The following CCDC191 variants were observed in gnomAD, a reference collection of about 807,000 sequenced individuals.
CCDC191 encodes the protein coiled-coil domain-containing protein 191.
A neutral mutation model predicts 114.0 loss-of-function variants in CCDC191; 99 were observed. The ratio of observed to expected loss-of-function variants is 0.87; its 90% CI spans 0.74 to 1.03. The LOEUF (loss-of-function observed/expected upper bound fraction) is 1.03, where lower values mean the gene tolerates loss of function less well. CCDC191 is among the 50% of genes least tolerant of loss of function. CCDC191 has a pLI of 0.00. For synonymous variants in CCDC191, 351 were observed against 376.0 expected (o/e 0.93, Z 0.77); for missense variants, 973 against 1,087.0 (o/e 0.90, Z 1.47).
intron 15 of CCDC191, 93 bp from the exon 16 acceptor site, chr3:113,978,424 A>T: frequency 7.7e-7 from 1 of 1,302,708 alleles, no homozygotes; most frequent in Non-Finnish European, 1.1e-6. Context: ...GAAATGAAAC[A>T]AAAGAAACAA....
intron 5 of CCDC191, 32 bp from the exon 6 acceptor site, chr3:114,035,180 G>A (rs1577458497): frequency 6.6e-7 from 1 of 1,514,930 alleles, no homozygotes; most frequent in African/African-American, 1.4e-5. Context: ...ATGAAGTGTG[G>A]CCTTTCAAGT....
intron 4 of CCDC191, among the ~76,000 whole-genome samples, chr3:114,041,360 ACTC>A (rs2076557155): frequency 6.6e-6 from 1 of 152,174 alleles, no homozygotes; most frequent in South Asian, 2.1e-4. Flanking sequence ...TATGGTAACA[ACTC>A]CTACAAAAAA....
At chr3:114,056,249 G>A in intron 1 of CCDC191, 128 bp downstream of exon 1, 1 of 815,258 alleles carries the variant, frequency 1.2e-6, no homozygotes, top group Non-Finnish European at 2.0e-6. Context: ...TGGCTTTGGG[G>A]CGGTCAAGGC....
In CCDC191 at chr3:114,006,617, T is replaced by TATATATAA. The variant is rs1482068610; in HGVS notation, c.1414-656_1414-655insTTATATAT. Among the ~76,000 whole-genome samples the TATATATAA allele has an allele frequency of 4.2e-4, 50 of 118,422 alleles. 1 individual carries two copies. Among genetic ancestry groups the TATATATAA allele is most frequent in the East Asian group, 2.2e-3 (9 of 4,086 alleles). 77.7% of individuals were successfully genotyped at this position (118,422 alleles called of 152,430 possible). ...ATATATATATATATATATATATATATAAATATATATATTTTATATATAAAA... is the reference window on the plus strand; with the variant it reads ...ATATATATATATATATATATATATATATATATAAAAATATATATATTTTATATATAAAA... On this transcript the variant is annotated intron_variant, in intron 9 of 16. Transcript: ENST00000295878.
At chr3:113,980,470 CCTT>C (rs1299018809) in intron 14 of CCDC191, among the ~76,000 whole-genome samples, 177 bp downstream of exon 14, 2 of 152,132 alleles carry the variant, frequency 1.3e-5, no homozygotes, top group Non-Finnish European at 2.9e-5. Flanking sequence ...TTACAAAAGT[CCTT>C]CTCTACCTTA....
chr3:114,053,748 C>T (rs933964481), intron 1 of CCDC191, 113 bp from the exon 2 acceptor site: 1 of 581,138 alleles, frequency 1.7e-6, no homozygotes, highest in South Asian at 3.0e-5. Flanking sequence ...ATTATTTCCC[C>T]AAAGCATTTC....
intron 7 of CCDC191, among the ~76,000 whole-genome samples, chr3:114,023,587 C>G (rs923257587): frequency 2.0e-5 from 3 of 152,060 alleles, no homozygotes; most frequent in Non-Finnish European, 4.4e-5. Context: ...ACAAACCTGA[C>G]AAAAACAAGC....
At chr3:114,003,477 T>C (rs1429527304) in intron 11 of CCDC191, 48 of 985,280 alleles carry the variant, frequency 4.9e-5, no homozygotes, top group Non-Finnish European at 5.3e-5. Context: ...AAGGCAGAAA[T>C]AGACTAGGGG....
intron 7 of CCDC191, among the ~76,000 whole-genome samples, chr3:114,027,017 A>G (rs1055219233): frequency 1.3e-5 from 2 of 152,254 alleles, no homozygotes; most frequent in East Asian, 1.9e-4. Flanking sequence ...TCCAAATAGT[A>G]TAAGAGTTTT....
chr3:113,974,999 T>C (rs532891740), intron 16 of CCDC191, among the ~76,000 whole-genome samples: 1 of 152,334 alleles, frequency 6.6e-6, no homozygotes, highest in South Asian at 2.1e-4. Flanking sequence ...ATAATAAGTA[T>C]GATTTAAGTC....
intron 4 of CCDC191, among the ~76,000 whole-genome samples, chr3:114,040,299 C>T (rs1354461326): frequency 6.6e-6 from 1 of 152,266 alleles, no homozygotes; most frequent in African/African-American, 2.4e-5. Flanking sequence ...GACAAAATCA[C>T]CTAATGATGC....
At chr3:114,010,509 T>G (rs926332620) in intron 9 of CCDC191, among the ~76,000 whole-genome samples, 2 of 152,178 alleles carry the variant, frequency 1.3e-5, no homozygotes, top group African/African-American at 2.4e-5. Context: ...ACCTGTCTTT[T>G]CCTAAACGAA....
intron 16 of CCDC191, among the ~76,000 whole-genome samples, chr3:113,969,081 TAAC>T (rs1940527022): frequency 6.6e-6 from 1 of 152,126 alleles, no homozygotes; most frequent in Non-Finnish European, 1.5e-5. Flanking sequence ...AGGTTCTTTT[TAAC>T]AACCAGCTCT....
chr3:114,004,906 T>C (rs1222283210), intron 10 of CCDC191, among the ~76,000 whole-genome samples, 160 bp from the exon 11 acceptor site: 2 of 152,160 alleles, frequency 1.3e-5, no homozygotes, highest in Non-Finnish European at 2.9e-5. Flanking sequence ...TAATGAGGTA[T>C]GGAAAGGTTG....
Position 114,001,654 on chromosome 3 carries a change from CCT to C in CCDC191, c.2102_2103del (p.Glu701GlyfsTer9). On this transcript the variant is annotated frameshift_variant, in exon 13 of 17. Coordinates refer to ENST00000295878, the MANE Select transcript of CCDC191 (RefSeq NM_020817.2). LOFTEE classifies it high-confidence loss of function. ...KAQEEERQKR[E>X]AEEKEAQLER... ...TCAAGCTGTGCCTCCTTTTCTTCTG[CCT>C]CCCTTTTCTGACGTTCCTCCTCTTG... The C allele has an allele frequency of 6.2e-7, 1 of 1,613,898 alleles. No individual in the cohort carries two copies. Among genetic ancestry groups the C allele is most frequent in the Non-Finnish European group, 8.5e-7 (1 of 1,179,808 alleles).
chr3:113,986,471 C>T (rs989763135), intron 13 of CCDC191, among the ~76,000 whole-genome samples: 3 of 152,130 alleles, frequency 2.0e-5, no homozygotes, highest in Non-Finnish European at 1.5e-5. Flanking sequence ...ATCCAAGAAG[C>T]TTAAGACCAC....
Position 114,056,401 on chromosome 3 carries a change from C to A in CCDC191, c.66G>T (p.Arg22=), listed in dbSNP as rs760717876. The A allele has an allele frequency of 8.1e-6, 13 of 1,614,026 alleles. No individual in the cohort carries two copies. In the East Asian group the frequency reaches 1.6e-4, roughly 19 times the overall value. ...CCTTGGGACTCGGCTTCCTTGTGAA[C>A]CGTTTCCAGCGATTCAGCCCCATCC... The part of the protein sequence containing the change: ...KKRMGLNRWK[R]FTRKPSPKPT... Residue 22 remains arginine, a synonymous_variant, in exon 1 of 17, where the codon CGG becomes CGT. Coordinates refer to ENST00000295878, the MANE Select transcript of CCDC191 (RefSeq NM_020817.2).
At chr3:114,047,267 A>G in intron 2 of CCDC191, 1 of 294,938 alleles carries the variant, frequency 3.4e-6, no homozygotes, top group Non-Finnish European at 5.0e-6. Flanking sequence ...CTCAACAGCA[A>G]GAGTCTAGTA....
chr3:113,980,702 T>C lies in CCDC191; in HGVS notation c.2255A>G (p.Lys752Arg). The C allele has an allele frequency of 6.2e-7, 1 of 1,610,030 alleles. No homozygotes were observed. The highest frequency in any genetic ancestry group is 1.3e-5 in the African/African-American group (1 of 74,676). The change falls in exon 14 of 17, where the codon AAA (lysine) becomes AGA (arginine). Residue 752 changes from lysine (K) to arginine (R), a missense_variant. Physicochemically the swap from Lys to Arg is conservative, Grantham distance 26. Transcript: ENST00000295878. ...CAATCTCTTCCAAGGCTCTAGACCTTTTTTCCTTAGCAAGACCCTTTCATA... is the reference window on the plus strand; with the variant it reads ...CAATCTCTTCCAAGGCTCTAGACCTCTTTTCCTTAGCAAGACCCTTTCATA... ...EHYERVLLRK[K>R]GLEPWKRLRM...
Sources: gnomAD v4.1 joint callset for allele counts (sites outside exome capture counted in the v4.1 genomes callset) on GRCh38, gnomAD v4.1.1 for gene constraint, MANE v1.5 for transcripts, NCBI Gene and HGNC (gene_info 2026-07-23, HGNC 2026-07-21) for gene names.